The following ANKS1B variants were observed in gnomAD, a reference collection of about 807,000 sequenced individuals.
The protein encoded by ANKS1B is ankyrin repeat and sterile alpha motif domain-containing protein 1B.
In ANKS1B, 36 loss-of-function variants were observed where a neutral mutation model predicts 148.3. The observed-to-expected ratio is 0.24, with a 90% confidence interval of 0.19 to 0.32. The LOEUF is 0.32. Ranked by LOEUF, ANKS1B falls within the 10% of genes least tolerant of loss-of-function variation. The pLI, the probability that ANKS1B is intolerant of heterozygous loss-of-function variation, is 1.00. For synonymous variants in ANKS1B, 542 were observed against 560.8 expected (o/e 0.97, Z 0.47); for missense variants, 1,157 against 1,542.6 (o/e 0.75, Z 4.19).
chr12:99,259,575 C>T (rs1387408777), intron 12 of ANKS1B, among the ~76,000 whole-genome samples: 1 of 152,214 alleles, frequency 6.6e-6, no homozygotes, highest in Non-Finnish European at 1.5e-5. Flanking sequence ...AGGAGAGAGG[C>T]TATCAGCCAA....
intron 17 of ANKS1B, among the ~76,000 whole-genome samples, chr12:98,962,448 T>C (rs2099873094): frequency 6.6e-6 from 1 of 151,034 alleles, no homozygotes; most frequent in South Asian, 2.1e-4. Flanking sequence ...CTCAGGTATA[T>C]AAAGCAAAAA....
intron 17 of ANKS1B, among the ~76,000 whole-genome samples, chr12:98,869,075 T>A (rs1261189617): frequency 6.6e-6 from 1 of 152,180 alleles, no homozygotes; most frequent in African/African-American, 2.4e-5. Context: ...ACTCCATGTG[T>A]CCCATGGTAG....
chr12:99,529,516 G>C (rs760706065), intron 9 of ANKS1B, among the ~76,000 whole-genome samples: 22 of 152,232 alleles, frequency 1.4e-4, no homozygotes, highest in Non-Finnish European at 2.6e-4. Flanking sequence ...AGCAGGGCAT[G>C]GTGGCGTGTG....
intron 17 of ANKS1B, among the ~76,000 whole-genome samples, chr12:98,867,157 T>C (rs1244145056): frequency 2.0e-5 from 3 of 150,984 alleles, no homozygotes; most frequent in African/African-American, 4.9e-5. Context: ...CCCAGAGGAG[T>C]AGAGTAATGA....
At chr12:99,755,006 A>T (rs895458579) in intron 8 of ANKS1B, among the ~76,000 whole-genome samples, 1 of 152,064 alleles carries the variant, frequency 6.6e-6, no homozygotes, top group Non-Finnish European at 1.5e-5. Context: ...ATCAGAGCTG[A>T]ATTTAAGGAG....
chr12:99,601,859 C>G (rs981132675), intron 9 of ANKS1B, among the ~76,000 whole-genome samples: 6 of 151,978 alleles, frequency 3.9e-5, no homozygotes, highest in Non-Finnish European at 8.8e-5. Flanking sequence ...CTTGAACTCT[C>G]TGTATAGCAG....
chr12:99,629,941 A>T (rs1164338466), intron 9 of ANKS1B, among the ~76,000 whole-genome samples: 2 of 152,190 alleles, frequency 1.3e-5, no homozygotes, highest in Non-Finnish European at 2.9e-5. Flanking sequence ...TGCAAAACTA[A>T]GGTTAAAATT....
intron 21 of ANKS1B, 98 bp downstream of exon 21, chr12:98,800,899 A>G (rs1004724720): frequency 1.4e-6 from 2 of 1,383,848 alleles, no homozygotes; most frequent in Middle Eastern, 1.8e-4. Context: ...AGTGATGGAT[A>G]TGGATATTTT....
In ANKS1B at chr12:99,873,123, G is replaced by A. The variant is rs559796871; in HGVS notation, c.135-47734C>T. Among the ~76,000 whole-genome samples the A allele has an allele frequency of 7.2e-5, 11 of 152,228 alleles. No homozygotes were observed. In the East Asian group the frequency reaches 2.1e-3, roughly 29 times the overall value. On this transcript the variant is annotated intron_variant, in intron 1 of 26. Coordinates refer to ENST00000683438, the MANE Select transcript of ANKS1B (RefSeq NM_001352186.2). ...GTGAAGATTAAATGCAATAATGCAT[G>A]TCAATCACTTAGCACTGTGTCTAAA...
intron 8 of ANKS1B, among the ~76,000 whole-genome samples, chr12:99,668,460 C>A (rs59581986): frequency 0.015 from 2,315 of 151,118 alleles, 60 homozygotes; most frequent in African/African-American, 0.054. Context: ...CATTTAAGAC[C>A]TTTCTCCTTT....
intron 15 of ANKS1B, among the ~76,000 whole-genome samples, chr12:99,129,572 G>C (rs1407421342): frequency 2.6e-5 from 4 of 152,176 alleles, no homozygotes; most frequent in African/African-American, 9.7e-5. Context: ...TCTTGAGGTA[G>C]AGCATGATCT....
intron 14 of ANKS1B, among the ~76,000 whole-genome samples, chr12:99,167,944 C>G (rs1179606225): frequency 6.6e-6 from 1 of 152,108 alleles, no homozygotes; most frequent in African/African-American, 2.4e-5. Context: ...AGAAACCAGA[C>G]CAAAAGAATA....
intron 8 of ANKS1B, among the ~76,000 whole-genome samples, chr12:99,720,876 A>G (rs2058014452): frequency 6.6e-6 from 1 of 152,164 alleles, no homozygotes; most frequent in Non-Finnish European, 1.5e-5. Flanking sequence ...AAGTCATCAC[A>G]GCCAATATCT....
chr12:99,242,077 C>T (rs1269452135), intron 14 of ANKS1B, among the ~76,000 whole-genome samples: 2 of 151,304 alleles, frequency 1.3e-5, no homozygotes, highest in Non-Finnish European at 3.0e-5. Flanking sequence ...TGACATAAAT[C>T]AATTAGAAAA....
At chr12:99,042,692 G>A (rs113805203) in intron 17 of ANKS1B, among the ~76,000 whole-genome samples, 17 of 152,274 alleles carry the variant, frequency 1.1e-4, no homozygotes, top group African/African-American at 3.9e-4. Flanking sequence ...GCAAAGCATT[G>A]TATAAAATGC....
chr12:99,843,288 G>A (rs1196324794), intron 1 of ANKS1B, among the ~76,000 whole-genome samples: 3 of 152,002 alleles, frequency 2.0e-5, no homozygotes, highest in African/African-American at 7.2e-5. Flanking sequence ...AATTCCTAAT[G>A]TTCTGTATTA....
chr12:99,441,053 A>C (rs1214985329), intron 11 of ANKS1B, among the ~76,000 whole-genome samples: 1 of 151,852 alleles, frequency 6.6e-6, no homozygotes, highest in East Asian at 1.9e-4. Context: ...TTAAAAGTGA[A>C]ATTATCATTT....
chr12:99,894,772 TATA>T (rs148066774), intron 1 of ANKS1B, among the ~76,000 whole-genome samples: 7,005 of 148,672 alleles, frequency 0.047, 572 homozygotes, highest in African/African-American at 0.16. Context: ...ATTATAAATA[TATA>T]ATAATAATAA....
intron 8 of ANKS1B, among the ~76,000 whole-genome samples, chr12:99,699,819 G>T (rs1390041136): frequency 6.6e-6 from 1 of 152,094 alleles, no homozygotes; most frequent in African/African-American, 2.4e-5. Context: ...TAACCTGAAG[G>T]TTTAATTCAG....
Sources: gnomAD v4.1 joint callset for allele counts (sites outside exome capture counted in the v4.1 genomes callset) on GRCh38, gnomAD v4.1.1 for gene constraint, MANE v1.5 for transcripts, NCBI Gene and HGNC (gene_info 2026-07-23, HGNC 2026-07-21) for gene names.